The following STK24 variants were observed in gnomAD, a reference collection of about 807,000 sequenced individuals.
STK24 encodes the protein serine/threonine kinase 24.
A neutral mutation model predicts 55.6 loss-of-function variants in STK24; 21 were observed. The ratio of observed to expected loss-of-function variants is 0.38; its 90% confidence interval spans 0.27 to 0.54. The LOEUF is 0.54. STK24 is among the 20% of genes least tolerant of loss of function. STK24 has a pLI of 0.79. For missense variants in STK24, 383 were observed against 538.4 expected, an observed-to-expected ratio of 0.71 and a Z score of 2.86; for synonymous variants, 200 against 215.2, an observed-to-expected ratio of 0.93 and a Z score of 0.62.
intron 2 of STK24, among the ~76,000 whole-genome samples, chr13:98,495,215 A>G (rs1895203737): frequency 6.6e-6 from 1 of 152,236 alleles, no homozygotes; most frequent in South Asian, 2.1e-4. Flanking sequence ...GAACTGCTGA[A>G]GGAGAATTGA....
chr13:98,476,240 G>GCT (rs1555303357), intron 3 of STK24, among the ~76,000 whole-genome samples: 1 of 141,596 alleles, frequency 7.1e-6, no homozygotes, highest in Non-Finnish European at 1.5e-5. Context: ...CAGACGGGAA[G>GCT]CCCCCCCCCG....
intron 3 of STK24, among the ~76,000 whole-genome samples, chr13:98,480,864 G>C (rs573603686): frequency 2.8e-4 from 43 of 152,328 alleles, no homozygotes; most frequent in South Asian, 2.7e-3. Context: ...TGAACAGACT[G>C]TAAGCGTGAA....
In STK24 at chr13:98,476,240, GC is replaced by G. The variant is rs138129188; in HGVS notation, c.331-883del. ...AGGCTCACTTCAAACCAGACGGGAA[GC>G]CCCCCCCCGCCCCCTGCAGAGTGGG... On this transcript the variant is annotated intron_variant, in intron 3 of 10. Transcript: ENST00000539966. Among the ~76,000 whole-genome samples the G allele has an allele frequency of 7.1e-4, 101 of 141,666 alleles. 2 individuals are homozygous for G. The highest frequency in any genetic ancestry group is 2.2e-3 in the African/African-American group (86 of 38,490). 92.9% of individuals were successfully genotyped at this position (141,666 alleles called of 152,430 possible).
intron 1 of STK24, among the ~76,000 whole-genome samples, chr13:98,561,148 C>CCA (rs1163468058): frequency 6.6e-6 from 1 of 152,198 alleles, no homozygotes; most frequent in Non-Finnish European, 1.5e-5. Flanking sequence ...AAGTGTAACA[C>CCA]CACCGTGTGG....
chr13:98,563,753 G>C (rs192163361), intron 1 of STK24, among the ~76,000 whole-genome samples: 3 of 151,938 alleles, frequency 2.0e-5, no homozygotes, highest in African/African-American at 4.8e-5. Context: ...CCAGCTACTC[G>C]GGAGGCTGAG....
At chr13:98,567,014 G>C (rs1306360343) in intron 1 of STK24, among the ~76,000 whole-genome samples, 1 of 152,164 alleles carries the variant, frequency 6.6e-6, no homozygotes, top group Non-Finnish European at 1.5e-5. Flanking sequence ...CCAAGTTCCA[G>C]ACTGTTTTTC....
At chr13:98,512,922 TAAGG>T (rs1895934940) in intron 2 of STK24, among the ~76,000 whole-genome samples, 1 of 152,212 alleles carries the variant, frequency 6.6e-6, no homozygotes, top group Non-Finnish European at 1.5e-5. Flanking sequence ...GCAGGGTTTA[TAAGG>T]AACACCAGAC....
At chr13:98,503,535 G>A (rs1236808722) in intron 2 of STK24, among the ~76,000 whole-genome samples, 1 of 152,188 alleles carries the variant, frequency 6.6e-6, no homozygotes, top group African/African-American at 2.4e-5. Context: ...CCAAAAGAAA[G>A]GGCAAGGGCA....
rs947283843 is a variant in STK24, at chr13:98,445,306, G to C, written c.*7867C>G. 1.8e-4 allele frequency: 28 copies of C among 152,420 alleles called. No individual in the cohort carries two copies. Among genetic ancestry groups the C allele is most frequent in the African/African-American group, 6.7e-4 (28 of 41,594 alleles). 9.4% of individuals were successfully genotyped at this position (152,420 alleles called of 1,614,324 possible). Reference sequence around the variant, plus strand: ...CTTTACAAGGTGGTGCAACTGCTTTGAGTCTCTGCTGGTGATGTCACTTTG... The same window carrying C: ...CTTTACAAGGTGGTGCAACTGCTTTCAGTCTCTGCTGGTGATGTCACTTTG... On this transcript the variant is annotated 3_prime_UTR_variant, in exon 11 of 11. Coordinates refer to ENST00000539966, the MANE Select transcript of STK24 (RefSeq NM_001032296.4).
Position 98,448,256 on chromosome 13 carries a change from G to C in STK24, c.*4917C>G. 1 of 1,614,072 alleles carries C rather than the reference G, an allele frequency of 6.2e-7. No individual in the cohort carries two copies. The highest frequency in any genetic ancestry group is 8.5e-7 in the Non-Finnish European group (1 of 1,179,928). On this transcript the variant is annotated 3_prime_UTR_variant, in exon 11 of 11. Coordinates refer to ENST00000539966, the MANE Select transcript of STK24 (RefSeq NM_001032296.4). The stretch of plus-strand genomic sequence containing the variant: ...TGCAGGTGGATGGAAGTGATCCGCA[G>C]TGCCACCAGCTCTGCCTCGCGACCC...
intron 2 of STK24, among the ~76,000 whole-genome samples, chr13:98,501,407 A>C (rs938531780): frequency 9.2e-5 from 14 of 152,256 alleles, no homozygotes; most frequent in Non-Finnish European, 1.8e-4. Context: ...GAGAGACTCC[A>C]GAAGAGAGCC....
In STK24 at chr13:98,449,081, A is replaced by AAGAT. The variant is rs1466119938; in HGVS notation, c.*4088_*4091dup. The AAGAT allele has an allele frequency of 3.3e-5, 5 of 152,208 alleles. No homozygotes were observed. Among genetic ancestry groups the AAGAT allele is most frequent in the African/African-American group, 1.2e-4 (5 of 41,440 alleles). 9.4% of individuals were successfully genotyped at this position (152,208 alleles called of 1,614,324 possible). On this transcript the variant is annotated 3_prime_UTR_variant, in exon 11 of 11. Coordinates refer to ENST00000539966, the MANE Select transcript of STK24 (RefSeq NM_001032296.4). ...TCCTGTGAGTGGTGTACACAATGGG[A>AAGAT]AGATAATAAGCCGTGGTGTTTTGCT... is the stretch of plus-strand genomic sequence containing the variant.
intron 1 of STK24, among the ~76,000 whole-genome samples, chr13:98,573,059 C>T (rs1035566842): frequency 7.9e-5 from 12 of 152,140 alleles, no homozygotes; most frequent in African/African-American, 1.7e-4. Context: ...CTTCTGATTT[C>T]GGATGTTCAA....
intron 1 of STK24, among the ~76,000 whole-genome samples, chr13:98,570,785 G>A (rs192279577): frequency 1.9e-4 from 29 of 152,304 alleles, no homozygotes; most frequent in Non-Finnish European, 3.2e-4. Context: ...TCAGGAGGCA[G>A]GTTATTTTTC....
chr13:98,575,228 G>T (rs1897851043), intron 1 of STK24, among the ~76,000 whole-genome samples: 1 of 151,814 alleles, frequency 6.6e-6, no homozygotes, highest in Admixed American at 6.6e-5. Flanking sequence ...GCAGTCAGCA[G>T]AAGTTTAGGT....
intron 2 of STK24, among the ~76,000 whole-genome samples, chr13:98,515,103 A>G (rs1198544825): frequency 0.011 from 384 of 35,108 alleles, 6 homozygotes; most frequent in African/African-American, 0.034. Flanking sequence ...AACCCCCTGA[A>G]AAAAAAAAAA....
intron 5 of STK24, among the ~76,000 whole-genome samples, chr13:98,468,745 A>AT (rs1275340886): frequency 6.6e-6 from 1 of 152,112 alleles, no homozygotes; most frequent in Non-Finnish European, 1.5e-5. Flanking sequence ...AGTTATATGA[A>AT]TTTTTTCTGG....
chr13:98,520,669 G>C (rs918045983), intron 1 of STK24, among the ~76,000 whole-genome samples: 15 of 152,246 alleles, frequency 9.9e-5, no homozygotes, highest in Non-Finnish European at 2.1e-4. Context: ...GTGAGCCTCA[G>C]GGCCCATCAG....
At chr13:98,571,519 G>C (rs1446906266) in intron 1 of STK24, among the ~76,000 whole-genome samples, 1 of 151,852 alleles carries the variant, frequency 6.6e-6, no homozygotes, top group Non-Finnish European at 1.5e-5. Context: ...CAAAAGTTTG[G>C]GTTTTTCTAA....
Sources: gnomAD v4.1 joint callset for allele counts (sites outside exome capture counted in the v4.1 genomes callset) on GRCh38, gnomAD v4.1.1 for gene constraint, MANE v1.5 for transcripts, NCBI Gene and HGNC (gene_info 2026-07-23, HGNC 2026-07-21) for gene names.